Variants in SMAP1 observed in about 807,000 individuals in gnomAD.
The protein encoded by SMAP1 is small ArfGAP 1, also known as stromal membrane-associated protein 1.
SMAP1 carries 24 observed loss-of-function variants against 58.5 expected under a neutral mutation model. The ratio of observed to expected loss-of-function variants is 0.41; its 90% CI spans 0.30 to 0.58. The LOEUF is 0.58. Ranked by LOEUF, SMAP1 falls within the 20% of genes least tolerant of loss-of-function variation. SMAP1 has a pLI of 0.29. For synonymous variants in SMAP1, 216 were observed against 196.6 expected, an observed-to-expected ratio of 1.10 and a Z score of -0.82; for missense variants, 563 against 566.3, an observed-to-expected ratio of 0.99 and a Z score of 0.06.
chr6:70,729,052 A>G (rs1185589585), intron 1 of SMAP1, among the ~76,000 whole-genome samples: 1 of 151,562 alleles, frequency 6.6e-6, no homozygotes, highest in Non-Finnish European at 1.5e-5. Flanking sequence ...AAACGACCTC[A>G]TTCTCTACTT....
At chr6:70,740,522 G>T (rs1246757480) in intron 2 of SMAP1, among the ~76,000 whole-genome samples, 1 of 148,920 alleles carries the variant, frequency 6.7e-6, no homozygotes, top group African/African-American at 2.5e-5. Context: ...TTCTTGTTCT[G>T]TTCCCTTTTT....
chr6:70,740,934 T>G (rs1485379799), intron 2 of SMAP1, among the ~76,000 whole-genome samples: 1 of 152,190 alleles, frequency 6.6e-6, no homozygotes, highest in African/African-American at 2.4e-5. Flanking sequence ...GGGTTTCCCC[T>G]TATAAAACCA....
chr6:70,725,705 C>T (rs1768751811), intron 1 of SMAP1, among the ~76,000 whole-genome samples: 1 of 152,180 alleles, frequency 6.6e-6, no homozygotes, highest in Non-Finnish European at 1.5e-5. Context: ...ATTTTGCCCT[C>T]CTCTTCTGTT....
chr6:70,829,945 G>A (rs1770290889), intron 6 of SMAP1, among the ~76,000 whole-genome samples: 1 of 152,106 alleles, frequency 6.6e-6, no homozygotes. Flanking sequence ...GACCTAAATA[G>A]TTTTTTATTC....
intron 1 of SMAP1, among the ~76,000 whole-genome samples, chr6:70,702,353 G>A (rs1450824830): frequency 2.0e-5 from 3 of 151,342 alleles, no homozygotes; most frequent in African/African-American, 7.3e-5. Context: ...TTAGGTTGCT[G>A]AAACTGCTGC....
At chr6:70,835,820 T>G (rs1770558455) in intron 6 of SMAP1, among the ~76,000 whole-genome samples, 1 of 152,186 alleles carries the variant, frequency 6.6e-6, no homozygotes, top group Non-Finnish European at 1.5e-5. Flanking sequence ...CGTTTTATTT[T>G]CTTAGTTTAT....
At chr6:70,758,155 T>C (rs2149893326) in intron 3 of SMAP1, among the ~76,000 whole-genome samples, 1 of 150,150 alleles carries the variant, frequency 6.7e-6, no homozygotes, top group South Asian at 2.1e-4. Flanking sequence ...ATTAAGAAAA[T>C]GTGGCACATA....
At chr6:70,832,983 TC>T (rs1770424585) in intron 6 of SMAP1, among the ~76,000 whole-genome samples, 1 of 152,194 alleles carries the variant, frequency 6.6e-6, no homozygotes, top group African/African-American at 2.4e-5. Context: ...AGTACTTACT[TC>T]CTGTCGTTTT....
chr6:70,798,628 AC>A (rs767777241), intron 5 of SMAP1, 28 bp from the exon 6 acceptor site: 18 of 1,484,162 alleles, frequency 1.2e-5, no homozygotes, highest in Non-Finnish European at 1.4e-5. Context: ...AAAAAAGTAA[AC>A]TTATCAAAAC....
chr6:70,752,786 G>A (rs1396437162), intron 2 of SMAP1, among the ~76,000 whole-genome samples: 1 of 151,720 alleles, frequency 6.6e-6, no homozygotes, highest in African/African-American at 2.4e-5. Context: ...TAGAAACTAA[G>A]CTTACCAATA....
intron 3 of SMAP1, among the ~76,000 whole-genome samples, chr6:70,759,450 CA>C (rs1239485846): frequency 6.6e-6 from 1 of 151,856 alleles, no homozygotes; most frequent in Admixed American, 6.6e-5. Flanking sequence ...ATTTTGGTTT[CA>C]TCCTTTATGT....
At chr6:70,778,816 A>G (rs1767647692) in intron 4 of SMAP1, among the ~76,000 whole-genome samples, 1 of 152,168 alleles carries the variant, frequency 6.6e-6, no homozygotes, top group Non-Finnish European at 1.5e-5. Context: ...AGGACTTTCC[A>G]GATATATATG....
intron 2 of SMAP1, among the ~76,000 whole-genome samples, chr6:70,741,216 T>A (rs147055777): frequency 0.011 from 1,734 of 152,208 alleles, 29 homozygotes; most frequent in African/African-American, 0.039. Flanking sequence ...CAAAAGTCCA[T>A]AGTCCAAAGT....
intron 6 of SMAP1, among the ~76,000 whole-genome samples, chr6:70,825,871 C>T (rs1053256169): frequency 6.6e-6 from 1 of 152,186 alleles, no homozygotes; most frequent in Non-Finnish European, 1.5e-5. Flanking sequence ...ATAAGCATGC[C>T]ACTCCTGTGT....
At chr6:70,824,638 A>G (rs1424099705) in intron 6 of SMAP1, among the ~76,000 whole-genome samples, 1 of 152,216 alleles carries the variant, frequency 6.6e-6, no homozygotes, top group East Asian at 1.9e-4. Flanking sequence ...AATCAATGAA[A>G]TGATACACTT....
At chr6:70,768,483 G>A (rs970985500) in intron 3 of SMAP1, among the ~76,000 whole-genome samples, 1 of 152,164 alleles carries the variant, frequency 6.6e-6, no homozygotes, top group African/African-American at 2.4e-5. Context: ...TCTTGGGAGG[G>A]TGTATGTGTC....
intron 2 of SMAP1, among the ~76,000 whole-genome samples, chr6:70,733,576 A>C (rs1398367992): frequency 6.6e-6 from 1 of 152,090 alleles, no homozygotes; most frequent in Non-Finnish European, 1.5e-5. Context: ...GGGTCTTGCT[A>C]TGTTGCCCAG....
At chr6:70,682,411 A>G (rs963413035) in intron 1 of SMAP1, among the ~76,000 whole-genome samples, 5 of 150,692 alleles carry the variant, frequency 3.3e-5, no homozygotes, top group African/African-American at 1.2e-4. Context: ...CTGGTCTCGA[A>G]CTCCTGACCT....
chr6:70,708,696 T>G (rs564100713), intron 1 of SMAP1, among the ~76,000 whole-genome samples: 1 of 152,354 alleles, frequency 6.6e-6, no homozygotes, highest in East Asian at 1.9e-4. Context: ...GGTTTCGATT[T>G]GCATTTATCT....
Sources: gnomAD v4.1 joint callset for allele counts (sites outside exome capture counted in the v4.1 genomes callset) on GRCh38, gnomAD v4.1.1 for gene constraint, MANE v1.5 for transcripts, NCBI Gene and HGNC (gene_info 2026-07-23, HGNC 2026-07-21) for gene names.